MTNAP1: variants seen among roughly 807,000 people sequenced by gnomAD.
MTNAP1 encodes the protein mitochondrial nucleoid-associated protein 1.
the MTNAP1 span, chr17:73,245,242 G>T: frequency 6.2e-7 from 1 of 1,609,776 alleles, no homozygotes; most frequent in South Asian, 1.1e-5. Flanking sequence ...GCGTACAGTG[G>T]AGACGACTGC....
the MTNAP1 span, chr17:73,236,348 A>G: frequency 6.2e-7 from 1 of 1,614,172 alleles, no homozygotes; most frequent in South Asian, 1.1e-5. Flanking sequence ...TCATTAGGTA[A>G]AATCCAAGTC....
chr17:73,239,747 C>T, the MTNAP1 span, among the ~76,000 whole-genome samples: 1 of 151,822 alleles, frequency 6.6e-6, no homozygotes, highest in African/African-American at 2.4e-5. Context: ...TCTCGAACTC[C>T]TGACCTCAGG....
the MTNAP1 span, chr17:73,248,186 C>A: frequency 2.9e-6 from 1 of 339,198 alleles, no homozygotes; most frequent in African/African-American, 2.1e-5. Flanking sequence ...ATTTGCACAG[C>A]CAGTTCCAAT....
the MTNAP1 span, chr17:73,236,577 T>C: frequency 3.1e-6 from 5 of 1,614,214 alleles, no homozygotes; most frequent in Non-Finnish European, 4.2e-6. Context: ...CTTACCAGTT[T>C]CATTCTGTAT....
chr17:73,247,299 G>A, the MTNAP1 span: 13 of 1,614,076 alleles, frequency 8.1e-6, no homozygotes, highest in East Asian at 2.2e-5. Context: ...TTGGTGTGGC[G>A]AAGACGACTG....
At chr17:73,238,277 C>G in the MTNAP1 span, among the ~76,000 whole-genome samples, 2 of 38,152 alleles carry the variant, frequency 5.2e-5, no homozygotes, top group African/African-American at 1.6e-4. Context: ...AAGTAGCATA[C>G]CTGTCGTTTG....
At chr17:73,237,360 G>A in the MTNAP1 span, among the ~76,000 whole-genome samples, 15 of 152,138 alleles carry the variant, frequency 9.9e-5, no homozygotes, top group Admixed American at 2.6e-4. Flanking sequence ...ACCTGATCCC[G>A]GAAAATCAGG....
At chr17:73,244,240 T>G in the MTNAP1 span, among the ~76,000 whole-genome samples, 1 of 152,108 alleles carries the variant, frequency 6.6e-6, no homozygotes, top group Non-Finnish European at 1.5e-5. Flanking sequence ...ATAATTAAAT[T>G]TTTGTGCTGG....
chr17:73,245,129 G>T, the MTNAP1 span: 6 of 1,601,706 alleles, frequency 3.7e-6, no homozygotes, highest in Non-Finnish European at 5.1e-6. Context: ...ATTGGAAGTG[G>T]CCTCTCGGAT....
At chr17:73,244,712 A>G in the MTNAP1 span, 1 of 153,106 alleles carries the variant, frequency 6.5e-6, no homozygotes, top group Non-Finnish European at 1.5e-5. Context: ...TTAAGAAAAA[A>G]AAAAATCACA....
At chr17:73,244,982 G>A in the MTNAP1 span, among the ~76,000 whole-genome samples, 1 of 152,212 alleles carries the variant, frequency 6.6e-6, no homozygotes, top group African/African-American at 2.4e-5. Flanking sequence ...CAGTCTGAAA[G>A]GGATTGTTTG....
At chr17:73,234,551 C>T in the MTNAP1 span, among the ~76,000 whole-genome samples, 3 of 151,820 alleles carry the variant, frequency 2.0e-5, no homozygotes, top group Admixed American at 2.0e-4. Context: ...ATTAGCCTGG[C>T]GTGGTGGCGC....
At chr17:73,245,256 A>G in the MTNAP1 span, 2 of 1,583,978 alleles carry the variant, frequency 1.3e-6, no homozygotes, top group Non-Finnish European at 1.7e-6. Context: ...CGACTGCAAT[A>G]CATACTTAAC....
At chr17:73,242,896 G>A in the MTNAP1 span, 1 of 1,612,392 alleles carries the variant, frequency 6.2e-7, no homozygotes, top group Non-Finnish European at 8.5e-7. Flanking sequence ...TTTTGAACAG[G>A]CTGGATCAGG....
the MTNAP1 span, chr17:73,236,911 G>A: frequency 6.2e-7 from 1 of 1,613,880 alleles, no homozygotes. Flanking sequence ...TGGACTAGGG[G>A]TGTTGCCAGG....
At chr17:73,241,848 G>A in the MTNAP1 span, among the ~76,000 whole-genome samples, 10 of 152,248 alleles carry the variant, frequency 6.6e-5, no homozygotes, top group East Asian at 5.8e-4. Context: ...AGAATCACTC[G>A]AACCCAGGAG....
chr17:73,238,182 T>G, the MTNAP1 span, among the ~76,000 whole-genome samples: 1 of 152,298 alleles, frequency 6.6e-6, no homozygotes, highest in Non-Finnish European at 1.5e-5. Context: ...TTTTCTCTGC[T>G]GAATCTCATC....
the MTNAP1 span, among the ~76,000 whole-genome samples, chr17:73,237,384 G>A: frequency 2.6e-5 from 4 of 152,120 alleles, no homozygotes; most frequent in Non-Finnish European, 4.4e-5. Context: ...GCAGTGAGCC[G>A]AGTATGTGCC....
the MTNAP1 span, among the ~76,000 whole-genome samples, chr17:73,234,804 A>G: frequency 3.2e-5 from 2 of 62,208 alleles, no homozygotes; most frequent in Non-Finnish European, 8.6e-5. Context: ...TATGCATATT[A>G]CTAAATGTTA....
Sources: allele counts gnomAD v4.1 joint callset (sites outside exome capture counted in the v4.1 genomes callset), GRCh38; gene constraint gnomAD v4.1.1; transcripts MANE v1.5; gene names NCBI Gene and HGNC (gene_info 2026-07-23, HGNC 2026-07-21).